FMNL2: variants seen among roughly 807,000 people sequenced by gnomAD.
The protein encoded by FMNL2 is formin-like protein 2.
In FMNL2, 51 loss-of-function variants were observed where a neutral mutation model predicts 130.2. The ratio of observed to expected loss-of-function variants is 0.39; its 90% CI spans 0.31 to 0.49. The LOEUF (loss-of-function observed/expected upper bound fraction) is 0.49. Among genes scored for constraint, FMNL2 ranks in the 20% least tolerant of loss-of-function variants. FMNL2 has a pLI of 0.85. For synonymous variants in FMNL2, 465 were observed against 467.1 expected, an observed-to-expected ratio of 1.00 and a Z score of 0.06; for missense variants, 977 against 1,316.2, an observed-to-expected ratio of 0.74 and a Z score of 3.99.
intron 1 of FMNL2, among the ~76,000 whole-genome samples, chr2:152,401,932 G>A (rs1685718225): frequency 1.6e-5 from 2 of 127,458 alleles, no homozygotes; most frequent in African/African-American, 6.1e-5. Flanking sequence ...TTGAGACGGA[G>A]TCTCTTTCTG....
intron 21 of FMNL2, among the ~76,000 whole-genome samples, chr2:152,635,135 G>GCACC (rs1682484022): frequency 6.6e-6 from 1 of 152,186 alleles, no homozygotes; most frequent in Non-Finnish European, 1.5e-5. Flanking sequence ...AGCTTATAAG[G>GCACC]CACCCACTTA....
intron 8 of FMNL2, among the ~76,000 whole-genome samples, chr2:152,580,483 T>C (rs1036422776): frequency 6.6e-6 from 1 of 152,242 alleles, no homozygotes; most frequent in African/African-American, 2.4e-5. Context: ...GATCTGTCCC[T>C]ACATGAGCAG....
intron 1 of FMNL2, among the ~76,000 whole-genome samples, chr2:152,519,110 C>T (rs1692935134): frequency 5.9e-5 from 9 of 152,136 alleles, no homozygotes; most frequent in Admixed American, 5.9e-4. Flanking sequence ...TCACTGTGCC[C>T]AGTGTGCTTT....
intron 5 of FMNL2, 52 bp downstream of exon 5, chr2:152,558,875 T>C (rs963332918): frequency 2.0e-6 from 3 of 1,478,058 alleles, no homozygotes; most frequent in African/African-American, 2.8e-5. Context: ...TCACAGCAGA[T>C]GCTACTCAGT....
chr2:152,385,427 T>A (rs1206701834), intron 1 of FMNL2, among the ~76,000 whole-genome samples: 1 of 152,238 alleles, frequency 6.6e-6, no homozygotes, highest in Non-Finnish European at 1.5e-5. Flanking sequence ...AAAAACCATT[T>A]AAAAGGCAAA....
chr2:152,649,490 C>T lies in FMNL2; in HGVS notation c.*1585C>T, dbSNP rs901288672. ...AAGATTAAACTGCCACCTGCGGGCA[C>T]ATTCCCATAAATGTGTACTTTACTT... is the stretch of plus-strand genomic sequence containing the variant. On this transcript the variant is annotated 3_prime_UTR_variant, in exon 26 of 26. Transcript: ENST00000288670. The T allele has an allele frequency of 6.6e-6, 1 of 152,558 alleles. No individual in the cohort carries two copies. Among genetic ancestry groups the T allele is most frequent in the African/African-American group, 2.4e-5 (1 of 41,416 alleles). The allele number at this position is 152,558 out of a possible 1,614,324, so 9.5% of individuals were successfully genotyped here. A position where few individuals can be genotyped will look rare whatever the true frequency, so the allele number is the denominator to read the frequency against.
intron 3 of FMNL2, among the ~76,000 whole-genome samples, chr2:152,548,538 A>G (rs1267198569): frequency 6.6e-6 from 1 of 152,140 alleles, no homozygotes; most frequent in Admixed American, 6.5e-5. Context: ...GCATGTTGTC[A>G]TTTGTGTCTC....
chr2:152,413,372 A>G (rs956590479), intron 1 of FMNL2, among the ~76,000 whole-genome samples: 1 of 152,204 alleles, frequency 6.6e-6, no homozygotes, highest in African/African-American at 2.4e-5. Context: ...TATGTAGTTG[A>G]TTGATGCCGG....
chr2:152,530,779 C>T (rs6756465), intron 2 of FMNL2, among the ~76,000 whole-genome samples: 2,206 of 152,254 alleles, frequency 0.014, 58 homozygotes, highest in African/African-American at 0.051. Context: ...TTTCTAAAGT[C>T]ATTGAGGAAA....
rs77118282 is a variant in FMNL2, at chr2:152,580,065, G to A, written c.783-891G>A. On this transcript the variant is annotated intron_variant, in intron 8 of 25. Transcript: ENST00000288670. ...CTGATTAAACCTTTTGCGACTGTGC[G>A]ATTCCTTCCTTCGTTTACTAGAGTC... Among the ~76,000 whole-genome samples, 2,633 of 152,282 alleles carry A rather than the reference G, an allele frequency of 0.017. 124 individuals carry two copies. The East Asian group carries it at 0.19, about 11-fold the overall frequency.
intron 1 of FMNL2, among the ~76,000 whole-genome samples, chr2:152,401,231 A>C (rs1028851480): frequency 6.6e-6 from 1 of 152,248 alleles, no homozygotes; most frequent in East Asian, 1.9e-4. Flanking sequence ...ATTATTTTAC[A>C]GAAGTCCCTA....
chr2:152,417,513 T>C (rs777505846), intron 1 of FMNL2, among the ~76,000 whole-genome samples: 7 of 152,188 alleles, frequency 4.6e-5, no homozygotes, highest in African/African-American at 7.2e-5. Context: ...CATTGCAAGG[T>C]TGGATTTGCT....
chr2:152,394,294 A>G (rs945429515), intron 1 of FMNL2, among the ~76,000 whole-genome samples: 2 of 152,148 alleles, frequency 1.3e-5, no homozygotes, highest in South Asian at 4.1e-4. Flanking sequence ...TGTGGAATCT[A>G]GTTGTGTATA....
chr2:152,525,237 G>A (rs1032580510), intron 2 of FMNL2, among the ~76,000 whole-genome samples: 1 of 152,190 alleles, frequency 6.6e-6, no homozygotes, highest in African/African-American at 2.4e-5. Context: ...AGTTTTGTGT[G>A]TGGCTGCTCA....
intron 1 of FMNL2, among the ~76,000 whole-genome samples, chr2:152,370,377 T>C (rs573548825): frequency 5.3e-5 from 8 of 152,238 alleles, no homozygotes; most frequent in Admixed American, 5.2e-4. Flanking sequence ...ACCTGTTTCC[T>C]CCCAAAGGCC....
At chr2:152,400,901 T>G (rs1311183071) in intron 1 of FMNL2, among the ~76,000 whole-genome samples, 1 of 152,222 alleles carries the variant, frequency 6.6e-6, no homozygotes, top group Non-Finnish European at 1.5e-5. Flanking sequence ...CTTTCTTTTT[T>G]CTTCCCACGT....
chr2:152,535,382 G>A (rs1463496038), intron 2 of FMNL2, among the ~76,000 whole-genome samples: 1 of 152,118 alleles, frequency 6.6e-6, no homozygotes, highest in Non-Finnish European at 1.5e-5. Flanking sequence ...CTCCAGGGAG[G>A]TTCCTTTGAT....
rs1683832495 is a variant in FMNL2, at chr2:152,648,780, TCTC to T, written c.*879_*881del. On this transcript the variant is annotated 3_prime_UTR_variant, in exon 26 of 26. Coordinates refer to ENST00000288670, the MANE Select transcript of FMNL2 (RefSeq NM_052905.4). ...AGTAGTGTTAGGAACCTGGCCTTAC[TCTC>T]CTCTGACAATCGCAATTTTTTCTTA... The T allele has an allele frequency of 6.6e-6, 1 of 152,592 alleles. No individual in the cohort carries two copies. Among genetic ancestry groups the T allele is most frequent in the South Asian group, 2.1e-4 (1 of 4,824 alleles). The allele number at this position is 152,592 out of a possible 1,614,324, so 9.5% of individuals were successfully genotyped here.
chr2:152,582,186 G>A (rs1696825988), intron 9 of FMNL2, among the ~76,000 whole-genome samples: 1 of 152,212 alleles, frequency 6.6e-6, no homozygotes, highest in African/African-American at 2.4e-5. Flanking sequence ...CTTGAAATGT[G>A]TTGAAGTTGT....
Sources: allele counts gnomAD v4.1 joint callset (sites outside exome capture counted in the v4.1 genomes callset), GRCh38; gene constraint gnomAD v4.1.1; transcripts MANE v1.5; gene names NCBI Gene and HGNC (gene_info 2026-07-23, HGNC 2026-07-21).